ACCSL: variants seen among roughly 807,000 people sequenced by gnomAD.
ACCSL encodes the protein probable inactive 1-aminocyclopropane-1-carboxylate synthase-like protein 2.
ACCSL carries 55 observed loss-of-function variants against 61.7 expected under a neutral mutation model. The ratio of observed to expected loss-of-function variants is 0.89; its 90% CI spans 0.72 to 1.12. ACCSL has a LOEUF of 1.12. Among genes scored for constraint, ACCSL ranks in the 50% most tolerant of loss-of-function variants. The probability of loss-of-function intolerance (pLI) is 0.00; values close to 1 mark genes in which losing one functional copy is unlikely to be tolerated. For missense variants in ACCSL, 632 were observed against 698.0 expected (o/e 0.91, Z 1.07); for synonymous variants, 258 against 264.3 (o/e 0.98, Z 0.23).
intron 7 of ACCSL, 41 bp downstream of exon 7, chr11:44,053,109 C>A (rs1952650172): frequency 6.4e-7 from 1 of 1,554,012 alleles, no homozygotes; most frequent in Non-Finnish European, 8.9e-7. Flanking sequence ...CACTGCTGGT[C>A]CTAAAAGGGG....
At chr11:43,966,035 C>T in the ACCSL span, among the ~76,000 whole-genome samples, 4 of 152,118 alleles carry the variant, frequency 2.6e-5, no homozygotes, top group African/African-American at 9.7e-5. Flanking sequence ...TAAGTCTTCA[C>T]GACCTTGGAT....
chr11:43,983,251 G>A, the ACCSL span, among the ~76,000 whole-genome samples: 1 of 152,198 alleles, frequency 6.6e-6, no homozygotes, highest in Non-Finnish European at 1.5e-5. Context: ...TAGAATAAAG[G>A]TGCTCCAGGA....
chr11:44,014,435 A>G, the ACCSL span, among the ~76,000 whole-genome samples: 1 of 151,890 alleles, frequency 6.6e-6, no homozygotes, highest in Non-Finnish European at 1.5e-5. Flanking sequence ...TCATCATGAC[A>G]TCGCAGCTGG....
chr11:43,961,723 T>TTC, the ACCSL span, among the ~76,000 whole-genome samples: 4 of 141,462 alleles, frequency 2.8e-5, no homozygotes, highest in South Asian at 6.8e-4. Flanking sequence ...CTCTTTCTCT[T>TTC]TCTCTCTCTC....
At chr11:44,017,684 C>A in the ACCSL span, among the ~76,000 whole-genome samples, 2,307 of 152,282 alleles carry the variant, frequency 0.015, 60 homozygotes, top group East Asian at 0.055. Context: ...CCTCTCTATG[C>A]CTCGGTTTAC....
At chr11:43,954,159 A>T in the ACCSL span, among the ~76,000 whole-genome samples, 1 of 152,022 alleles carries the variant, frequency 6.6e-6, no homozygotes, top group Non-Finnish European at 1.5e-5. Flanking sequence ...AGTAGATGGG[A>T]TTGGGGGTTG....
chr11:44,056,399 G>A lies in ACCSL; in HGVS notation c.1327+73G>A. 4.6e-6 allele frequency: 7 copies of A among 1,531,478 alleles called. No homozygotes were observed. In the South Asian group the frequency reaches 8.5e-5, roughly 18 times the overall value. 94.9% of individuals were successfully genotyped at this position (1,531,478 alleles called of 1,614,324 possible). On this transcript the variant is annotated intron_variant, in intron 11 of 13. Coordinates refer to ENST00000378832, the MANE Select transcript of ACCSL (RefSeq NM_001031854.2). Reference sequence around the variant, plus strand: ...ATGGGGAATTCTTGGATTTGCTTGGGCCTCTGATGTGCCCTTAATATACTG... The same window carrying A: ...ATGGGGAATTCTTGGATTTGCTTGGACCTCTGATGTGCCCTTAATATACTG...
At chr11:44,055,149 A>G (rs1262242799) in intron 8 of ACCSL, 53 bp from the exon 9 acceptor site, 11 of 1,307,870 alleles carry the variant, frequency 8.4e-6, no homozygotes, top group Non-Finnish European at 1.2e-5. Context: ...ATGCAAAGAA[A>G]AAAGATTAGA....
the ACCSL span, chr11:43,943,560 C>G: frequency 1.5e-6 from 2 of 1,315,506 alleles, no homozygotes; most frequent in African/African-American, 1.5e-5. The surrounding 1 kb of genome is among the most constrained non-coding windows in gnomAD (Gnocchi z 4.8). Flanking sequence ...TGCGGGGAGG[C>G]GCGCCCGCGC....
chr11:44,035,936 TAAAAAAAAA>T, the ACCSL span, among the ~76,000 whole-genome samples: 1 of 79,088 alleles, frequency 1.3e-5, no homozygotes, highest in Non-Finnish European at 2.4e-5. Flanking sequence ...AGACTCTGTG[TAAAAAAAAA>T]AAAAAAAAAA....
At chr11:43,943,489 C>A in the ACCSL span, 1 of 1,388,326 alleles carries the variant, frequency 7.2e-7, no homozygotes, top group East Asian at 4.3e-5. The surrounding 1 kb of genome is among the most constrained non-coding windows in gnomAD (Gnocchi z 4.8). Flanking sequence ...GGGCCGCTTT[C>A]CTCGTCCTTG....
At chr11:43,964,072 A>T in the ACCSL span, among the ~76,000 whole-genome samples, 2 of 26,282 alleles carry the variant, frequency 7.6e-5, no homozygotes, top group East Asian at 2.3e-3. Flanking sequence ...TGAAAATATT[A>T]AAAAAAAAAC....
chr11:44,051,670 CT>C lies in ACCSL; in HGVS notation c.724del (p.Cys242AlafsTer41). On this transcript the variant is annotated frameshift_variant, in exon 5 of 14. Transcript: ENST00000378832. LOFTEE classifies it high-confidence loss of function. ...GTCTTCAGGTGGTGGTTCTAAATGG[CT>C]GCTGCTCTGTCTTCTGTGCCCTGGC... is the stretch of plus-strand genomic sequence containing the variant. ...DPENVVVLNGCCSVFCALAMV... is the reference protein window; with the variant it reads ...DPENVVVLNGXCSVFCALAMV... 1 of 1,614,202 alleles carries C rather than the reference CT, an allele frequency of 6.2e-7. No individual in the cohort carries two copies. Among genetic ancestry groups the C allele is most frequent in the Non-Finnish European group, 8.5e-7 (1 of 1,180,038 alleles).
the ACCSL span, among the ~76,000 whole-genome samples, chr11:43,948,645 T>A: frequency 6.6e-6 from 1 of 152,142 alleles, no homozygotes; most frequent in East Asian, 1.9e-4. Flanking sequence ...GACTATTTTT[T>A]AAATTTTTTG....
the ACCSL span, among the ~76,000 whole-genome samples, chr11:43,936,827 G>A: frequency 5.9e-5 from 9 of 152,006 alleles, no homozygotes; most frequent in South Asian, 2.1e-4. Flanking sequence ...GGTAAGCCCC[G>A]GGGATCTAGG....
the ACCSL span, among the ~76,000 whole-genome samples, chr11:43,924,777 C>T: frequency 2.6e-5 from 4 of 152,316 alleles, no homozygotes; most frequent in South Asian, 8.3e-4. Context: ...AGGATGGCCA[C>T]GGGGCCCCCT....
the ACCSL span, among the ~76,000 whole-genome samples, chr11:43,940,607 G>A: frequency 2.0e-5 from 3 of 151,158 alleles, no homozygotes; most frequent in African/African-American, 7.3e-5. Flanking sequence ...TGATCCGTCC[G>A]CCTAAGCCTC....
the ACCSL span, among the ~76,000 whole-genome samples, chr11:44,011,794 G>A: frequency 6.6e-6 from 1 of 152,090 alleles, no homozygotes; most frequent in Non-Finnish European, 1.5e-5. Flanking sequence ...ATGTGTGGGG[G>A]CGTGTGTGTG....
chr11:44,042,651 T>A, the ACCSL span, among the ~76,000 whole-genome samples: 3 of 132,574 alleles, frequency 2.3e-5, no homozygotes, highest in African/African-American at 6.9e-5. Flanking sequence ...GTTTTGTTTG[T>A]TTTTTTTGTT....
Sources: gnomAD v4.1 joint callset for allele counts (sites outside exome capture counted in the v4.1 genomes callset) on GRCh38, gnomAD v4.1.1 for gene constraint, Gnocchi (gnomAD v3.1) non-coding constraint, MANE v1.5 for transcripts, NCBI Gene and HGNC (gene_info 2026-07-23, HGNC 2026-07-21) for gene names.